Variants in PLA2G4C observed in about 807,000 individuals in gnomAD.
PLA2G4C encodes phospholipase A2 group IVC.
PLA2G4C carries 64 observed loss-of-function variants against 73.8 expected under a neutral mutation model. The observed-to-expected ratio is 0.87, with a 90% confidence interval of 0.71 to 1.07. PLA2G4C has a LOEUF of 1.07. Among genes scored for constraint, PLA2G4C ranks in the 50% least tolerant of loss-of-function variants. PLA2G4C has a pLI of 0.00. For synonymous variants in PLA2G4C, 254 were observed against 252.1 expected (o/e 1.01, Z -0.07); for missense variants, 622 against 665.4 (o/e 0.93, Z 0.72).
At position 48,110,472 on chromosome 19, in the gene PLA2G4C, G is replaced by GC. The variant is rs1219540135; in HGVS notation, c.-33+14dup. On this transcript the variant is annotated intron_variant, in intron 1 of 16. Transcript: ENST00000599921. The stretch of plus-strand genomic sequence containing the variant: ...CCAGCGGGATGAAACAGCCCTCCCT[G>GC]CCCCCACGGCTTGCCTGAGCCTGGG... The GC allele has an allele frequency of 3.4e-6, 5 of 1,458,296 alleles. No individual in the cohort carries two copies. In the African/African-American group the frequency reaches 5.7e-5, roughly 17 times the overall value. 90.3% of individuals were successfully genotyped at this position (1,458,296 alleles called of 1,614,324 possible). A position where few individuals can be genotyped will look rare whatever the true frequency, so the allele number is the denominator to read the frequency against.
chr19:48,055,885 A>C (rs180742647), intron 14 of PLA2G4C, among the ~76,000 whole-genome samples: 1 of 152,024 alleles, frequency 6.6e-6, no homozygotes, highest in Non-Finnish European at 1.5e-5. Context: ...CAGTCTCCCA[A>C]AGTGCTGGGA....
chr19:48,055,638 A>ACTTTTATTTT (rs1967912628), intron 14 of PLA2G4C, among the ~76,000 whole-genome samples: 3 of 151,232 alleles, frequency 2.0e-5, no homozygotes. Flanking sequence ...CCGTGAAGGT[A>ACTTTTATTTT]CTTTTCTTTT....
intron 1 of PLA2G4C, among the ~76,000 whole-genome samples, chr19:48,106,913 C>T (rs1007969569): frequency 5.3e-5 from 8 of 152,210 alleles, no homozygotes; most frequent in African/African-American, 1.7e-4. Flanking sequence ...GGCATGATCT[C>T]GGCTCACTGC....
At chr19:48,057,483 CTTTTTT>C (rs1171271257) in intron 14 of PLA2G4C, among the ~76,000 whole-genome samples, 11 of 17,924 alleles carry the variant, frequency 6.1e-4, no homozygotes, top group East Asian at 3.1e-3. Context: ...TCTTCTTCTT[CTTTTTT>C]TTTTTTTTTT....
Position 48,053,034 on chromosome 19 carries a change from T to G in PLA2G4C, c.1543A>C (p.Lys515Gln). ...ALAKKNVREN[K>Q]KKILRELMNV... Reference sequence around the variant, plus strand: ...ATCAACTCTCTAAGGATCTTCTTCTTGTTTTCCCTGACATTCTTCTTGGCT... The same window carrying G: ...ATCAACTCTCTAAGGATCTTCTTCTGGTTTTCCCTGACATTCTTCTTGGCT... The change falls in exon 16 of 17, where the codon AAG becomes CAG. Residue 515 changes from lysine to glutamine, a missense_variant. Transcript: ENST00000599921. The G allele has an allele frequency of 6.2e-7, 1 of 1,613,512 alleles. No homozygotes were observed. Among genetic ancestry groups the G allele is most frequent in the Non-Finnish European group, 8.5e-7 (1 of 1,179,554 alleles).
At chr19:48,098,939 G>A (rs978128748) in intron 5 of PLA2G4C, among the ~76,000 whole-genome samples, 15 of 148,232 alleles carry the variant, frequency 1.0e-4, no homozygotes, top group African/African-American at 3.2e-4. Context: ...ACAAAAACCC[G>A]ATGTGTTAGG....
At position 48,110,736 on chromosome 19, in the gene PLA2G4C, C is replaced by G. The variant is rs1344746581; in HGVS notation, c.-282G>C. Reference sequence around the variant, plus strand: ...CCTCCTGGTCCTGAGCAGGGCCAACCTGGAGGTAAAATGGCCCCTGCGCCT... The same window carrying G: ...CCTCCTGGTCCTGAGCAGGGCCAACGTGGAGGTAAAATGGCCCCTGCGCCT... On this transcript the variant is annotated 5_prime_UTR_variant, in exon 1 of 17. Transcript: ENST00000599921. 2.4e-6 allele frequency: 1 copy of G among 418,920 alleles called. No individual in the cohort carries two copies. Among genetic ancestry groups the G allele is most frequent in the Admixed American group, 4.9e-5 (1 of 20,560 alleles). 26.0% of individuals were successfully genotyped at this position (418,920 alleles called of 1,614,324 possible). A position where few individuals can be genotyped will look rare whatever the true frequency, so the allele number is the denominator to read the frequency against.
chr19:48,102,420 A>G (rs388147), intron 4 of PLA2G4C, among the ~76,000 whole-genome samples: 28,214 of 151,914 alleles, frequency 0.19, 5,431 homozygotes, highest in African/African-American at 0.49. Context: ...GAACCTGGGA[A>G]GTAGAGGTTG....
chr19:48,110,353 A>T (rs2032429507), intron 1 of PLA2G4C, 134 bp downstream of exon 1: 4 of 564,866 alleles, frequency 7.1e-6, no homozygotes, highest in African/African-American at 6.8e-5. Flanking sequence ...CTCAAAAAAA[A>T]ATAAATAAAT....
chr19:48,103,061 T>C (rs2031994953), intron 4 of PLA2G4C, among the ~76,000 whole-genome samples: 1 of 152,130 alleles, frequency 6.6e-6, no homozygotes, highest in Non-Finnish European at 1.5e-5. Context: ...TTTGTAGAGA[T>C]GGGGTCTTGC....
chr19:48,069,677 G>C (rs1968583952), intron 12 of PLA2G4C, among the ~76,000 whole-genome samples: 1 of 152,166 alleles, frequency 6.6e-6, no homozygotes. Flanking sequence ...AGAGAGCAAA[G>C]CTAGTAGGGA....
chr19:48,093,251 C>G (rs376089089), intron 7 of PLA2G4C, among the ~76,000 whole-genome samples: 3 of 152,140 alleles, frequency 2.0e-5, no homozygotes, highest in Non-Finnish European at 4.4e-5. Context: ...GAAGCTGGAA[C>G]CTTTGATGTC....
intron 7 of PLA2G4C, among the ~76,000 whole-genome samples, chr19:48,091,791 G>A (rs1324197180): frequency 6.7e-6 from 1 of 149,622 alleles, no homozygotes; most frequent in East Asian, 2.0e-4. Flanking sequence ...TTGGGAGGCT[G>A]AGGCAGGGGA....
chr19:48,061,771 G>A (rs745821435), intron 14 of PLA2G4C: 1 of 523,252 alleles, frequency 1.9e-6, no homozygotes, highest in Non-Finnish European at 3.4e-6. Flanking sequence ...CTGCCAGGAA[G>A]AGGGGCCCGG....
At chr19:48,054,437 G>A (rs530743832) in intron 15 of PLA2G4C, among the ~76,000 whole-genome samples, 3 of 152,084 alleles carry the variant, frequency 2.0e-5, no homozygotes, top group Non-Finnish European at 4.4e-5. Context: ...CTGAGTAGCT[G>A]GGATTACAGG....
chr19:48,061,642 C>T (rs1156823187), intron 14 of PLA2G4C: 10 of 224,416 alleles, frequency 4.5e-5, no homozygotes, highest in East Asian at 2.7e-4. Context: ...CAGGAAGACA[C>T]GCGCTCGGGG....
intron 14 of PLA2G4C, among the ~76,000 whole-genome samples, chr19:48,055,722 C>A (rs1165057334): frequency 6.6e-6 from 1 of 152,048 alleles, no homozygotes; most frequent in Non-Finnish European, 1.5e-5. Context: ...CTCACTGCAA[C>A]CTCCGCCTCC....
intron 7 of PLA2G4C, among the ~76,000 whole-genome samples, chr19:48,092,444 T>C (rs2031361426): frequency 6.6e-6 from 1 of 152,228 alleles, no homozygotes; most frequent in Non-Finnish European, 1.5e-5. Context: ...CTCAAAGAGA[T>C]ATTCATAGAC....
chr19:48,090,838 TCTC>T (rs910148681), intron 7 of PLA2G4C, among the ~76,000 whole-genome samples: 2 of 152,034 alleles, frequency 1.3e-5, no homozygotes, highest in Admixed American at 1.3e-4. Context: ...AAGTGCTTGT[TCTC>T]CTTCTCAGAA....
Sources: allele counts gnomAD v4.1 joint callset (sites outside exome capture counted in the v4.1 genomes callset), GRCh38; gene constraint gnomAD v4.1.1; transcripts MANE v1.5; gene names NCBI Gene and HGNC (gene_info 2026-07-23, HGNC 2026-07-21).